KCNN3: variants seen among roughly 807,000 people sequenced by gnomAD.
KCNN3 encodes potassium calcium-activated channel subfamily N member 3.
KCNN3 carries 16 observed loss-of-function variants against 62.9 expected under a neutral mutation model. The observed-to-expected ratio is 0.25, with a 90% CI of 0.17 to 0.39. KCNN3 has a LOEUF of 0.39. Ranked by LOEUF, KCNN3 falls within the 10% of genes least tolerant of loss-of-function variation. The pLI is 1.00. For synonymous variants in KCNN3, 370 were observed against 389.2 expected (o/e 0.95, Z 0.58); for missense variants, 599 against 949.4 (o/e 0.63, Z 4.85).
intron 5 of KCNN3, among the ~76,000 whole-genome samples, chr1:154,725,287 A>G (rs1008808325): frequency 6.6e-6 from 1 of 152,214 alleles, no homozygotes; most frequent in Non-Finnish European, 1.5e-5. Flanking sequence ...ATTTGAGCAT[A>G]AACAAAAAAC....
intron 1 of KCNN3, among the ~76,000 whole-genome samples, chr1:154,854,421 G>C (rs1474633097): frequency 6.6e-6 from 1 of 152,034 alleles, no homozygotes; most frequent in Non-Finnish European, 1.5e-5. Context: ...AAATTAGTTG[G>C]GGCCTTAACA....
chr1:154,819,353 C>T lies in KCNN3; in HGVS notation c.1029+2736G>A, dbSNP rs115314879. The stretch of plus-strand genomic sequence containing the variant: ...TGGAAAAGAGTTACCTTGAACTCAG[C>T]ATGCTTTCCATTCAAAGAACGTGCT... On this transcript the variant is annotated intron_variant, in intron 2 of 7. Transcript: ENST00000271915. Among the ~76,000 whole-genome samples, 1,120 of 152,270 alleles carry T rather than the reference C, an allele frequency of 7.4e-3. 14 individuals are homozygous for T. Among genetic ancestry groups the T allele is most frequent in the African/African-American group, 0.025 (1,048 of 41,542 alleles).
At chr1:154,864,201 T>G (rs1652872997) in intron 1 of KCNN3, among the ~76,000 whole-genome samples, 1 of 152,288 alleles carries the variant, frequency 6.6e-6, no homozygotes, top group Admixed American at 6.5e-5. Flanking sequence ...GGAGGGTCCA[T>G]GGAAAGGGCT....
Position 154,709,089 on chromosome 1 carries a change from C to T in KCNN3, c.1900-817G>A, listed in dbSNP as rs542120037. On this transcript the variant is annotated intron_variant, in intron 7 of 7. Transcript: ENST00000271915. ...GCTCCCCTGAGAGCTCCCCAGTACC[C>T]CTCCTGCACTCAGCACTGACTCCCC... is the stretch of plus-strand genomic sequence containing the variant. 2.3e-3 allele frequency among the ~76,000 whole-genome samples: 351 copies of T among 152,252 alleles called. 1 individual carries two copies. The highest frequency in any genetic ancestry group is 8.1e-3 in the African/African-American group (338 of 41,552).
intron 2 of KCNN3, among the ~76,000 whole-genome samples, chr1:154,803,670 G>T (rs1282674418): frequency 6.6e-6 from 1 of 152,208 alleles, no homozygotes. Flanking sequence ...GAGGGAATGG[G>T]AAACATGCCA....
At position 154,771,920 on chromosome 1, in the gene KCNN3, C is replaced by G. The variant is rs138885776; in HGVS notation, c.1448+55G>C. 14 of 1,575,274 alleles carry G rather than the reference C, an allele frequency of 8.9e-6. No individual in the cohort carries two copies. The African/African-American group carries it at 1.8e-4, about 20-fold the overall frequency. On this transcript the variant is annotated intron_variant, in intron 3 of 7. Transcript: ENST00000271915. ...ATACTTCCTGGCACCCCTACTCCTC[C>G]TCCCTTCCCTGTCCCAGCACAGGCT...
chr1:154,786,993 T>G (rs888596197), intron 2 of KCNN3, among the ~76,000 whole-genome samples: 4 of 152,124 alleles, frequency 2.6e-5, no homozygotes, highest in Non-Finnish European at 5.9e-5. Context: ...GCCCCCAGGA[T>G]TTTATGAATA....
intron 3 of KCNN3, among the ~76,000 whole-genome samples, chr1:154,735,281 G>A (rs1268199036): frequency 2.0e-5 from 3 of 152,170 alleles, no homozygotes; most frequent in Non-Finnish European, 4.4e-5. Context: ...AGATTCCCGC[G>A]AGCACATCAA....
At chr1:154,844,298 C>T (rs189684247) in intron 1 of KCNN3, among the ~76,000 whole-genome samples, 5 of 152,340 alleles carry the variant, frequency 3.3e-5, no homozygotes, top group South Asian at 2.1e-4. Context: ...GAGTAAGAGA[C>T]AAGGTTCTAG....
At chr1:154,783,818 A>G (rs1649164434) in intron 2 of KCNN3, among the ~76,000 whole-genome samples, 1 of 152,114 alleles carries the variant, frequency 6.6e-6, no homozygotes, top group Non-Finnish European at 1.5e-5. Context: ...TAAGATCAGG[A>G]GCATGTGGCG....
At chr1:154,716,279 T>C (rs1700232121) in intron 5 of KCNN3, among the ~76,000 whole-genome samples, 1 of 152,262 alleles carries the variant, frequency 6.6e-6, no homozygotes, top group Non-Finnish European at 1.5e-5. Context: ...ATTAAGCACA[T>C]GCTAAGCAGA....
chr1:154,868,320 T>C, intron 1 of KCNN3: 2 of 986,352 alleles, frequency 2.0e-6, no homozygotes, highest in African/African-American at 1.7e-5. Context: ...CTGAGTCCTC[T>C]CTCCTGAGGG....
intron 1 of KCNN3, chr1:154,868,234 G>T (rs534260498): frequency 4.2e-5 from 41 of 985,406 alleles, no homozygotes; most frequent in Non-Finnish European, 4.8e-5. Context: ...CCAAGGCGGC[G>T]CCCAGCTGCT....
In KCNN3 at chr1:154,825,790, C is replaced by T. The variant is rs1466266219; in HGVS notation, c.934-3606G>A. ...CACTAAAAACACTTCTGCACACGGC[C>T]GTAATCCCAGCACTTTGGGAGGCCG... On this transcript the variant is annotated intron_variant, in intron 1 of 7. Coordinates refer to ENST00000271915, the MANE Select transcript of KCNN3 (RefSeq NM_002249.6). Among the ~76,000 whole-genome samples, 8 of 151,322 alleles carry T rather than the reference C, an allele frequency of 5.3e-5. No homozygotes were observed. The East Asian group carries it at 9.7e-4, about 18-fold the overall frequency.
chr1:154,769,895 T>C (rs888981724), intron 3 of KCNN3, among the ~76,000 whole-genome samples: 2 of 152,192 alleles, frequency 1.3e-5, no homozygotes, highest in Non-Finnish European at 1.5e-5. Flanking sequence ...ACTTTCACCA[T>C]CATTGGATTG....
intron 2 of KCNN3, among the ~76,000 whole-genome samples, chr1:154,793,772 T>A (rs1045269171): frequency 6.6e-6 from 1 of 152,194 alleles, no homozygotes; most frequent in Non-Finnish European, 1.5e-5. Context: ...CGTAGTTGAC[T>A]AAGCTGACTT....
chr1:154,785,742 AGCTGTGCACCACCACACCCG>A (rs1279607023), intron 2 of KCNN3, among the ~76,000 whole-genome samples: 1 of 151,706 alleles, frequency 6.6e-6, no homozygotes, highest in African/African-American at 2.4e-5. Flanking sequence ...TACCACGAGT[AGCTGTGCACCACCACACCCG>A]GCTAATTTTT....
Position 154,772,469 on chromosome 1 carries a change from G to A in KCNN3, c.1030-76C>T. ...GCAGGGTCCAGGCAGGACAGGTGGG[G>A]CAGGCTGGGGCAGGCTGCTGGGCTC... On this transcript the variant is annotated intron_variant, in intron 2 of 7. Coordinates refer to ENST00000271915, the MANE Select transcript of KCNN3 (RefSeq NM_002249.6). The surrounding 1 kb of genome is among the most constrained non-coding windows in gnomAD (Gnocchi z 5.6). The A allele has an allele frequency of 7.1e-7, 1 of 1,406,022 alleles. No homozygotes were observed. Among genetic ancestry groups the A allele is most frequent in the Non-Finnish European group, 9.9e-7 (1 of 1,005,648 alleles). 87.1% of individuals were successfully genotyped at this position (1,406,022 alleles called of 1,614,324 possible).
intron 1 of KCNN3, among the ~76,000 whole-genome samples, chr1:154,861,884 G>A (rs905211716): frequency 6.6e-6 from 1 of 152,174 alleles, no homozygotes; most frequent in Admixed American, 6.5e-5. Context: ...CCCAGAGAGG[G>A]GAAGGGACTC....
Sources: allele counts gnomAD v4.1 joint callset (sites outside exome capture counted in the v4.1 genomes callset), GRCh38; gene constraint gnomAD v4.1.1; non-coding constraint Gnocchi (gnomAD v3.1); transcripts MANE v1.5; gene names NCBI Gene and HGNC (gene_info 2026-07-23, HGNC 2026-07-21).